Variants in AKR1C4 observed in about 807,000 individuals in gnomAD.
AKR1C4 encodes aldo-keto reductase family 1 member C4.
In AKR1C4, 44 loss-of-function variants were observed where a neutral mutation model predicts 41.0. The observed-to-expected ratio is 1.07, with a 90% CI of 0.84 to 1.38. The LOEUF is 1.38. Ranked by LOEUF, AKR1C4 falls within the 40% of genes most tolerant of loss-of-function variation. The probability of loss-of-function intolerance (pLI) is 0.00; values close to 1 mark genes in which losing one functional copy is unlikely to be tolerated. For missense variants in AKR1C4, 438 were observed against 387.9 expected (o/e 1.13, Z -1.09); for synonymous variants, 165 against 137.7 (o/e 1.20, Z -1.39).
At chr10:5,213,851 A>G (rs1388998129) in intron 7 of AKR1C4, among the ~76,000 whole-genome samples, 1 of 152,102 alleles carries the variant, frequency 6.6e-6, no homozygotes, top group African/African-American at 2.4e-5. Flanking sequence ...CTTCAAATGT[A>G]TTGTTGAAAT....
intron 7 of AKR1C4, among the ~76,000 whole-genome samples, chr10:5,214,331 G>C (rs1030363559): frequency 1.5e-4 from 23 of 151,382 alleles, no homozygotes; most frequent in Admixed American, 1.4e-3. Context: ...TGAATAGAAA[G>C]TCTTACTACC....
At chr10:5,200,439 G>T in intron 2 of AKR1C4, 91 bp downstream of exon 2, 1 of 1,506,584 alleles carries the variant, frequency 6.6e-7, no homozygotes, top group South Asian at 1.4e-5. Flanking sequence ...AGTTGTGGGT[G>T]AATTGTGCTT....
intron 1 of AKR1C4, among the ~76,000 whole-genome samples, chr10:5,199,957 T>G (rs1386700698): frequency 2.0e-5 from 3 of 152,172 alleles, no homozygotes; most frequent in Non-Finnish European, 4.4e-5. Context: ...ACATGCCCAC[T>G]GGGGCTTCAG....
chr10:5,212,428 C>T (rs1311718010), intron 5 of AKR1C4, among the ~76,000 whole-genome samples, 188 bp from the exon 6 acceptor site: 1 of 152,136 alleles, frequency 6.6e-6, no homozygotes, highest in African/African-American at 2.4e-5. Context: ...GTTGCTAATG[C>T]TCAGAAATAA....
At chr10:5,202,252 C>T (rs183549522) in intron 2 of AKR1C4, among the ~76,000 whole-genome samples, 2 of 151,952 alleles carry the variant, frequency 1.3e-5, no homozygotes, top group South Asian at 4.2e-4. Flanking sequence ...TAAGCATATT[C>T]TTAGGGATTT....
At position 5,200,310 on chromosome 10, in the gene AKR1C4, G is replaced by T; in HGVS notation, c.214G>T (p.Gly72Cys). 1 of 1,614,158 alleles carries T rather than the reference G, an allele frequency of 6.2e-7. No homozygotes were observed. Among genetic ancestry groups the T allele is most frequent in the Non-Finnish European group, 8.5e-7 (1 of 1,179,978 alleles). ...GLAIRSKIAD[G>C]SVKREDIFYT... ...GGCCATCCGAAGCAAGATTGCAGAT[G>T]GCAGTGTGAAGAGAGAAGACATATT... The change falls in exon 2 of 9, where the codon GGC (glycine) becomes TGC (cysteine). Residue 72 changes from glycine (G) to cysteine (C), a missense_variant. Physicochemically the swap from Gly to Cys is radical, Grantham distance 159. Transcript: ENST00000263126.
chr10:5,204,949 G>A (rs908183389), intron 3 of AKR1C4, among the ~76,000 whole-genome samples: 4 of 152,174 alleles, frequency 2.6e-5, no homozygotes, highest in Non-Finnish European at 4.4e-5. Context: ...TAGGACCTGA[G>A]AATCCTTGCC....
Position 5,200,266 on chromosome 10 carries a change from A to G in AKR1C4, c.170A>G (p.Asn57Ser). The G allele has an allele frequency of 1.9e-6, 3 of 1,614,216 alleles. No homozygotes were observed. Among genetic ancestry groups the G allele is most frequent in the Non-Finnish European group, 2.5e-6 (3 of 1,179,998 alleles). ...ATTGATTCTGCTTATTTATACAATA[A>G]TGAGGAGCAGGTTGGACTGGCCATC... ...RHIDSAYLYN[N>S]EEQVGLAIRS... Residue 57 changes from asparagine to serine, a missense_variant, in exon 2 of 9, where the codon AAT (asparagine) becomes AGT (serine). Asn to Ser is a conservative substitution (Grantham distance 46). Transcript: ENST00000263126.
chr10:5,196,925 G>C lies in AKR1C4; in HGVS notation c.58G>C (p.Gly20Arg), dbSNP rs1554796370. The change falls in exon 1 of 9, where the codon GGA becomes CGA. Residue 20 changes from glycine to arginine, a missense_variant. Gly to Arg is a moderately radical substitution (Grantham distance 125, BLOSUM62 -2). Transcript: ENST00000263126. ...LNDGHFMPVL[G>R]FGTYAPPEVP... ...TGATGGTCACTTCATGCCCGTATTG[G>C]GATTTGGCACCTATGCACCTCCAGA... 3 of 1,613,992 alleles carry C rather than the reference G, an allele frequency of 1.9e-6. No individual in the cohort carries two copies. Among genetic ancestry groups the C allele is most frequent in the Admixed American group, 3.3e-5 (2 of 60,006 alleles).
chr10:5,207,201 G>T, intron 5 of AKR1C4: 1 of 184,790 alleles, frequency 5.4e-6, no homozygotes, highest in East Asian at 1.5e-4. Flanking sequence ...CTACTATCTT[G>T]TCCATCCTGC....
Position 5,203,541 on chromosome 10 carries a change from G to A in AKR1C4, c.253-836G>A, listed in dbSNP as rs143120149. 8.8e-4 allele frequency among the ~76,000 whole-genome samples: 134 copies of A among 152,294 alleles called. 2 individuals are homozygous for A. In the East Asian group the frequency reaches 0.02, roughly 23 times the overall value. ...TTCCCTGGTGGGGAAGAGTATTCTG[G>A]AGGCAGTTTCTCCCCTTCTCACACT... On this transcript the variant is annotated intron_variant, in intron 2 of 8. Transcript: ENST00000263126.
At chr10:5,216,636 C>T in intron 7 of AKR1C4, 75 bp from the exon 8 acceptor site, 3 of 1,071,502 alleles carry the variant, frequency 2.8e-6, no homozygotes, top group Non-Finnish European at 4.2e-6. Flanking sequence ...CTACACCCTA[C>T]TGTGTGATAT....
At chr10:5,201,650 G>A (rs1295465411) in intron 2 of AKR1C4, among the ~76,000 whole-genome samples, 3 of 151,928 alleles carry the variant, frequency 2.0e-5, no homozygotes, top group African/African-American at 7.2e-5. Flanking sequence ...TGCATTTTGG[G>A]GTCTTAGAGA....
At chr10:5,204,551 T>C (rs1832454750) in intron 3 of AKR1C4, 58 bp downstream of exon 3, 7 of 1,298,702 alleles carry the variant, frequency 5.4e-6, no homozygotes, top group East Asian at 2.3e-5. Flanking sequence ...TCCTTTATGA[T>C]GGTTGAATTG....
chr10:5,200,594 A>C (rs78382521), intron 2 of AKR1C4, among the ~76,000 whole-genome samples: 3,957 of 152,282 alleles, frequency 0.026, 166 homozygotes, highest in African/African-American at 0.09. Context: ...AGATCAGTAT[A>C]ATTATTTTAT....
chr10:5,205,825 C>A lies in AKR1C4; in HGVS notation c.438C>A (p.Ala146=), dbSNP rs1554797428. The change falls in exon 4 of 9, where the codon GCC becomes GCA. Residue 146 remains alanine, a synonymous_variant. Coordinates refer to ENST00000263126, the MANE Select transcript of AKR1C4 (RefSeq NM_001818.5). Reference sequence around the variant, plus strand: ...TATTCGACACAGTGGATCTCTCTGCCACATGGGAGGTGAGTGCTTGGAGGA... The same window carrying A: ...TATTCGACACAGTGGATCTCTCTGCAACATGGGAGGTGAGTGCTTGGAGGA... ...KVIFDTVDLS[A]TWEVMEKCKD... 1.2e-6 allele frequency: 2 copies of A among 1,612,666 alleles called. No individual in the cohort carries two copies. The highest frequency in any genetic ancestry group is 2.2e-5 in the South Asian group (2 of 90,942).
intron 6 of AKR1C4, 132 bp from the exon 7 acceptor site, chr10:5,212,862 G>A: frequency 7.2e-7 from 1 of 1,393,230 alleles, no homozygotes; most frequent in South Asian, 1.4e-5. Flanking sequence ...GAGATACCAG[G>A]TGATGCTGCT....
chr10:5,202,936 C>CTT (rs1178835955), intron 2 of AKR1C4, among the ~76,000 whole-genome samples: 1 of 75,898 alleles, frequency 1.3e-5, no homozygotes, highest in South Asian at 4.9e-4. Context: ...CTATAGTTTT[C>CTT]TTTTGTGTGT....
At chr10:5,197,993 T>G (rs1419793424) in intron 1 of AKR1C4, among the ~76,000 whole-genome samples, 3 of 152,172 alleles carry the variant, frequency 2.0e-5, no homozygotes, top group African/African-American at 7.2e-5. Context: ...AAAGAAAGCT[T>G]CAGAAAAGCT....
Sources: allele counts gnomAD v4.1 joint callset (sites outside exome capture counted in the v4.1 genomes callset), GRCh38; gene constraint gnomAD v4.1.1; transcripts MANE v1.5; gene names NCBI Gene and HGNC (gene_info 2026-07-23, HGNC 2026-07-21).